The following NOL4L variants were observed in gnomAD, a reference collection of about 807,000 sequenced individuals.
NOL4L encodes the protein nucleolar protein 4 like, also known as nucleolar protein 4-like.
Under a neutral mutation model 64.5 loss-of-function variants are expected in NOL4L, and 7 were observed. The observed-to-expected ratio is 0.11, with a 90% CI of 0.06 to 0.20. The LOEUF is 0.20. Among genes scored for constraint, NOL4L ranks in the 10% least tolerant of loss-of-function variants. The probability of loss-of-function intolerance (pLI) is 1.00; values close to 1 mark genes in which losing one functional copy is unlikely to be tolerated. For synonymous variants in NOL4L, 413 were observed against 401.0 expected (o/e 1.03, Z -0.36); for missense variants, 680 against 967.1 (o/e 0.70, Z 3.94).
At chr20:32,499,906 A>G (rs973060604) in intron 4 of NOL4L, among the ~76,000 whole-genome samples, 2 of 152,154 alleles carry the variant, frequency 1.3e-5, no homozygotes, top group Non-Finnish European at 2.9e-5. Context: ...TAGCTGCTAC[A>G]TGAATAGTCA....
intron 4 of NOL4L, among the ~76,000 whole-genome samples, chr20:32,488,743 TTCTTTTCCTTCC>T (rs2016209431): frequency 6.7e-6 from 1 of 149,888 alleles, no homozygotes; most frequent in Admixed American, 6.7e-5. Context: ...TTTTCTTTCT[TTCTTTTCCTTCC>T]TTCCTTCCTT....
intron 1 of NOL4L, among the ~76,000 whole-genome samples, chr20:32,533,804 G>A (rs1056148873): frequency 1.3e-5 from 2 of 152,188 alleles, no homozygotes; most frequent in Non-Finnish European, 2.9e-5. Context: ...GGATCTGAAT[G>A]CTCAGCATGC....
At chr20:32,571,006 C>A (rs777151726) in intron 1 of NOL4L, among the ~76,000 whole-genome samples, 22 of 152,146 alleles carry the variant, frequency 1.4e-4, no homozygotes, top group Admixed American at 8.5e-4. Context: ...AGCCACACAG[C>A]GACTATGCAG....
In NOL4L at chr20:32,584,585, C is replaced by T. The variant is rs1211061409; in HGVS notation, c.306G>A (p.Pro102=). ...GCGCACTCACCGAGCCCGTCTTGAC[C>T]GGCACATACACCACTTGGCCCATCT... ...EPKMGQVVYV[P]VKTGSGADGL... is the part of the protein sequence containing the mutation. The change falls in exon 1 of 11, where the codon CCG becomes CCA. Residue 102 remains proline, a synonymous_variant. Transcript: ENST00000621426. 2.7e-6 allele frequency: 4 copies of T among 1,468,278 alleles called. No homozygotes were observed. Among genetic ancestry groups the T allele is most frequent in the Non-Finnish European group, 3.6e-6 (4 of 1,099,244 alleles). The allele number at this position is 1,468,278 out of a possible 1,614,324, so 91.0% of individuals were successfully genotyped here.
intron 1 of NOL4L, among the ~76,000 whole-genome samples, chr20:32,546,917 G>T (rs1052600364): frequency 1.3e-5 from 2 of 152,174 alleles, no homozygotes; most frequent in African/African-American, 4.8e-5. Flanking sequence ...CACAAAGTAG[G>T]TGCCCAGGAA....
intron 4 of NOL4L, among the ~76,000 whole-genome samples, chr20:32,478,495 C>T (rs578005586): frequency 3.9e-5 from 6 of 152,276 alleles, no homozygotes; most frequent in South Asian, 2.1e-4. Context: ...AGTCACCTAA[C>T]GATGACTGCT....
intron 9 of NOL4L, among the ~76,000 whole-genome samples, 200 bp downstream of exon 9, chr20:32,452,684 C>T (rs2013051003): frequency 6.6e-6 from 1 of 152,214 alleles, no homozygotes; most frequent in Non-Finnish European, 1.5e-5. Flanking sequence ...GAAGTCCAGG[C>T]TTCCGTATGA....
intron 5 of NOL4L, among the ~76,000 whole-genome samples, chr20:32,456,840 G>A (rs888368217): frequency 6.6e-6 from 1 of 152,114 alleles, no homozygotes; most frequent in African/African-American, 2.4e-5. Flanking sequence ...TTGCAGCTTC[G>A]AGCTCTCAGA....
chr20:32,509,518 A>AAG lies in NOL4L; in HGVS notation c.699+1828_699+1829insCT, dbSNP rs1491180262. 5.9e-4 allele frequency among the ~76,000 whole-genome samples: 36 copies of AAG among 61,096 alleles called. No individual in the cohort carries two copies. The Admixed American group carries it at 6.9e-3, about 12-fold the overall frequency. The allele number at this position is 61,096 out of a possible 152,430, so 40.1% of individuals were successfully genotyped here. A position where few individuals can be genotyped will look rare whatever the true frequency, so the allele number is the denominator to read the frequency against. Reference sequence around the variant, plus strand: ...GGGTGGCAGAGTGAGACTCTGCCTCAAAAAAAAAAAAAAAAAAAAAAAGAA... The same window carrying AAG: ...GGGTGGCAGAGTGAGACTCTGCCTCAAGAAAAAAAAAAAAAAAAAAAAAAGAA... On this transcript the variant is annotated intron_variant, in intron 4 of 10. Coordinates refer to ENST00000621426, the MANE Select transcript of NOL4L (RefSeq NM_001256798.2).
intron 1 of NOL4L, among the ~76,000 whole-genome samples, chr20:32,571,941 T>TGAAC: frequency 6.6e-6 from 1 of 152,312 alleles, no homozygotes; most frequent in East Asian, 1.9e-4. Context: ...TGCAGAATCT[T>TGAAC]TGGGGGATCC....
At chr20:32,487,397 G>A (rs1242283672) in intron 4 of NOL4L, among the ~76,000 whole-genome samples, 1 of 151,818 alleles carries the variant, frequency 6.6e-6, no homozygotes, top group Non-Finnish European at 1.5e-5. Flanking sequence ...AATGAGGGTG[G>A]GGGCCAGGGT....
intron 4 of NOL4L, among the ~76,000 whole-genome samples, chr20:32,480,373 A>G (rs542805538): frequency 9.1e-4 from 139 of 152,322 alleles, no homozygotes; most frequent in Middle Eastern, 6.8e-3. Flanking sequence ...AGGGATGTGC[A>G]GGGGATGTTT....
chr20:32,444,762 T>C lies in NOL4L; in HGVS notation c.*2834A>G, dbSNP rs1216248726. On this transcript the variant is annotated 3_prime_UTR_variant, in exon 11 of 11. Coordinates refer to ENST00000621426, the MANE Select transcript of NOL4L (RefSeq NM_001256798.2). ...AACTTAGGATCCCAAATGATCACTT[T>C]GTGCCCTGAGGCCCTTCAGAAGATT... The C allele has an allele frequency of 2.0e-5, 3 of 152,254 alleles. No individual in the cohort carries two copies. Among genetic ancestry groups the C allele is most frequent in the African/African-American group, 7.2e-5 (3 of 41,466 alleles). 9.4% of individuals were successfully genotyped at this position (152,254 alleles called of 1,614,324 possible). A position where few individuals can be genotyped will look rare whatever the true frequency, so the allele number is the denominator to read the frequency against.
chr20:32,488,309 G>GTTTCATACC (rs1268345415), intron 4 of NOL4L, among the ~76,000 whole-genome samples: 1 of 152,162 alleles, frequency 6.6e-6, no homozygotes, highest in African/African-American at 2.4e-5. Flanking sequence ...TCACCGCCCA[G>GTTTCATACC]TTTCATACCC....
chr20:32,447,401 T>TC lies in NOL4L; in HGVS notation c.*194dup, dbSNP rs1360363562. 13 of 236,718 alleles carry TC rather than the reference T, an allele frequency of 5.5e-5. No homozygotes were observed. The highest frequency in any genetic ancestry group is 1.2e-4 in the African/African-American group (1 of 8,314). The allele number at this position is 236,718 out of a possible 1,614,324, so 14.7% of individuals were successfully genotyped here. ...GGTCAGAGCACCCGTGTGGTGAGAT[T>TC]CCAAAAAAAAAAAAAAAAAAAAAAA... is the stretch of plus-strand genomic sequence containing the variant. On this transcript the variant is annotated 3_prime_UTR_variant, in exon 11 of 11. Transcript: ENST00000621426.
intron 1 of NOL4L, among the ~76,000 whole-genome samples, chr20:32,584,125 C>CCG (rs1281692898): frequency 8.2e-4 from 100 of 122,390 alleles, no homozygotes; most frequent in African/African-American, 1.8e-3. Context: ...GCACCACCCT[C>CCG]CGCGCGCGCA....
intron 4 of NOL4L, among the ~76,000 whole-genome samples, chr20:32,494,694 C>T (rs920017986): frequency 7.2e-5 from 11 of 152,130 alleles, no homozygotes; most frequent in Admixed American, 3.3e-4. Context: ...CTGGGAACCA[C>T]GTGACCCTTT....
intron 1 of NOL4L, among the ~76,000 whole-genome samples, chr20:32,554,116 C>T (rs181299847): frequency 5.5e-4 from 83 of 152,090 alleles, no homozygotes; most frequent in African/African-American, 1.9e-3. Context: ...GTCAGGAGAT[C>T]GAGACCATCC....
At chr20:32,526,244 C>A (rs1264242441) in intron 2 of NOL4L, among the ~76,000 whole-genome samples, 1 of 152,184 alleles carries the variant, frequency 6.6e-6, no homozygotes, top group Non-Finnish European at 1.5e-5. Flanking sequence ...CCAAGGGGCC[C>A]ATGTGGGCCC....
Sources: allele counts gnomAD v4.1 joint callset (sites outside exome capture counted in the v4.1 genomes callset), GRCh38; gene constraint gnomAD v4.1.1; transcripts MANE v1.5; gene names NCBI Gene and HGNC (gene_info 2026-07-23, HGNC 2026-07-21).